Variants in ZNF888 observed in about 807,000 individuals in gnomAD.
ZNF888 encodes the protein CTD-2331H12.6.
In ZNF888, 5 loss-of-function variants were observed where a neutral mutation model predicts 7.2. The observed-to-expected ratio is 0.70, with a 90% CI of 0.36 to 1.46. The LOEUF is 1.46. ZNF888 is among the 40% of genes most tolerant of loss of function. ZNF888 has a pLI of 0.03. For synonymous variants in ZNF888, 240 were observed against 284.3 expected, an observed-to-expected ratio of 0.84 and a Z score of 1.57; for missense variants, 716 against 858.0, an observed-to-expected ratio of 0.83 and a Z score of 2.07.
chr19:52,913,632 G>T (rs1436727603), intron 4 of ZNF888: 57 of 848,342 alleles, frequency 6.7e-5, no homozygotes, highest in Non-Finnish European at 8.1e-5. Context: ...CCAGGTTACA[G>T]AAATTTTAAG....
Position 52,919,887 on chromosome 19 carries a change from C to T in ZNF888, c.-177-950G>A, listed in dbSNP as rs1351652506. ...GTGAGGAAACCCTCTGCCTGGCAAC[C>T]GCCCCGTCTGAGAAGTGAGGAGCCC... On this transcript the variant is annotated intron_variant, in intron 1 of 4. Coordinates refer to ENST00000638862, the MANE Select transcript of ZNF888 (RefSeq NM_001393938.1). Among the ~76,000 whole-genome samples, 11 of 58,950 alleles carry T rather than the reference C, an allele frequency of 1.9e-4. 2 individuals carry two copies. The highest frequency in any genetic ancestry group is 4.7e-4 in the African/African-American group (8 of 17,074). 38.7% of individuals were successfully genotyped at this position (58,950 alleles called of 152,430 possible). A position where few individuals can be genotyped will look rare whatever the true frequency, so the allele number is the denominator to read the frequency against.
At chr19:52,909,891 G>T (rs1445597668) in intron 4 of ZNF888, among the ~76,000 whole-genome samples, 1 of 152,038 alleles carries the variant, frequency 6.6e-6, no homozygotes, top group Non-Finnish European at 1.5e-5. Context: ...GCCAGGCATG[G>T]TGGCTCATGC....
chr19:52,904,818 A>G lies in ZNF888; in HGVS notation c.*1347T>C, dbSNP rs1227373696. On this transcript the variant is annotated 3_prime_UTR_variant, in exon 5 of 5. Coordinates refer to ENST00000638862, the MANE Select transcript of ZNF888 (RefSeq NM_001393938.1). ...AAACAGGTACTGAGTATAAAACAATATAAAACAATATGAGAGGGTCTCTCT... is the reference window on the plus strand; with the variant it reads ...AAACAGGTACTGAGTATAAAACAATGTAAAACAATATGAGAGGGTCTCTCT... 1 of 152,218 alleles carries G rather than the reference A, an allele frequency of 6.6e-6. No homozygotes were observed. Among genetic ancestry groups the G allele is most frequent in the Non-Finnish European group, 1.5e-5 (1 of 68,028 alleles). The allele number at this position is 152,218 out of a possible 1,614,324, so 9.4% of individuals were successfully genotyped here. A position where few individuals can be genotyped will look rare whatever the true frequency, so the allele number is the denominator to read the frequency against.
chr19:52,919,967 C>A (rs1458674408), intron 1 of ZNF888, among the ~76,000 whole-genome samples: 1 of 51,474 alleles, frequency 1.9e-5, no homozygotes, highest in African/African-American at 8.3e-5. Context: ...GCCCGGCCAG[C>A]CGCCCCGTCC....
Position 52,907,734 on chromosome 19 carries a change from G to T in ZNF888, c.588C>A (p.Phe196Leu). The change falls in exon 5 of 5, where the codon TTC becomes TTA. Residue 196 changes from phenylalanine to leucine, a missense_variant. Physicochemically the swap from Phe to Leu is conservative, Grantham distance 22 (BLOSUM62 0). Around this residue, in one of 2 missense-constraint regions of ZNF888, gnomAD observed 697 missense variants for 803.4 expected, o/e 0.87. Coordinates refer to ENST00000638862, the MANE Select transcript of ZNF888 (RefSeq NM_001393938.1). ...GTTTCTGTGTGAGTAATGAAGAATG[G>T]AAGAAATTATTCCCATAGTTATTAG... is the stretch of plus-strand genomic sequence containing the variant. ...HISNNYGNNF[F>L]HSSLLTQKQD... 1 of 1,613,536 alleles carries T rather than the reference G, an allele frequency of 6.2e-7. No homozygotes were observed. Among genetic ancestry groups the T allele is most frequent in the Non-Finnish European group, 8.5e-7 (1 of 1,179,798 alleles).
rs2064633427 is a variant in ZNF888, at chr19:52,908,102, G to A, written c.220C>T (p.Gln74Ter). Residue 74 changes from glutamine (Q) to a stop codon, truncating the protein, a stop_gained, in exon 5 of 5, where the codon CAA becomes TAA. Transcript: ENST00000638862. LOFTEE classifies it low-confidence loss of function (END_TRUNC). Reference sequence around the variant, plus strand: ...CCAATGTGATGACTTGCCAGTCTTTGCAATGTCCCTGTGTGGATCACTTCT... The same window carrying A: ...CCAATGTGATGACTTGCCAGTCTTTACAATGTCCCTGTGTGGATCACTTCT... ...NTEVIHTGTL[Q>*]RLASHHIGEC... is the part of the protein sequence containing the mutation. 3.1e-6 allele frequency: 5 copies of A among 1,614,086 alleles called. No individual in the cohort carries two copies. The highest frequency in any genetic ancestry group is 4.2e-6 in the Non-Finnish European group (5 of 1,180,018).
intron 4 of ZNF888, among the ~76,000 whole-genome samples, chr19:52,913,320 C>CTTTTTTTTTT (rs34481338): frequency 1.1e-5 from 1 of 92,080 alleles, no homozygotes; most frequent in East Asian, 3.4e-4. Context: ...GTTATGGATT[C>CTTTTTTTTTT]TTTTTTTTTT....
intron 3 of ZNF888, among the ~76,000 whole-genome samples, chr19:52,915,701 T>C (rs796951939): frequency 3.0e-4 from 45 of 152,196 alleles, no homozygotes; most frequent in African/African-American, 1.1e-3. Context: ...GGTCTCGATC[T>C]CCTGACCTCG....
Position 52,907,088 on chromosome 19 carries a change from A to G in ZNF888, c.1234T>C (p.Cys412Arg). 6.2e-7 allele frequency: 1 copy of G among 1,612,038 alleles called. No homozygotes were observed. Among genetic ancestry groups the G allele is most frequent in the Non-Finnish European group, 8.5e-7 (1 of 1,179,536 alleles). Residue 412 changes from cysteine (C) to arginine (R), a missense_variant, in exon 5 of 5, where the codon TGT becomes CGT. Cys to Arg is a radical substitution (Grantham distance 180). Transcript: ENST00000638862. ...VIHTREKPYK[C>R]NECGKTFGEN... ...CCAAACGTTTTGCCACACTCATTAC[A>G]CTTGTAAGGTTTCTCTCTAGTGTGA...
At position 52,906,998 on chromosome 19, in the gene ZNF888, C is replaced by A; in HGVS notation, c.1324G>T (p.Glu442Ter). 1.2e-6 allele frequency: 2 copies of A among 1,612,054 alleles called. No homozygotes were observed. Among genetic ancestry groups the A allele is most frequent in the Non-Finnish European group, 1.7e-6 (2 of 1,179,266 alleles). The change falls in exon 5 of 5, where the codon GAA becomes TAA. Residue 442 changes from glutamate to a stop codon, truncating the protein, a stop_gained. Transcript: ENST00000638862. LOFTEE classifies it low-confidence loss of function (END_TRUNC). ...TGTTGATTGAAAACCTTGCCACATT[C>A]ATTACACTTGTAAGGTTTCTCTCCA... ...HTGEKPYKCN[E>*]CGKVFNQQSN...
chr19:52,909,161 G>A lies in ZNF888; in HGVS notation c.143-982C>T, dbSNP rs139431466. ...CTCCATCTCAAAAAAAAAAGAAAAT[G>A]TTAATACCATATTTTTCTGAATAAC... is the stretch of plus-strand genomic sequence containing the variant. On this transcript the variant is annotated intron_variant, in intron 4 of 4. Coordinates refer to ENST00000638862, the MANE Select transcript of ZNF888 (RefSeq NM_001393938.1). Among the ~76,000 whole-genome samples, 1,115 of 151,210 alleles carry A rather than the reference G, an allele frequency of 7.4e-3. 21 individuals are homozygous for A. Among genetic ancestry groups the A allele is most frequent in the African/African-American group, 0.025 (1,012 of 41,082 alleles).
rs2064622215 is a variant in ZNF888 at position 52,907,301 on chromosome 19, G to A, written c.1021C>T (p.Leu341Phe). 6.2e-7 allele frequency: 1 copy of A among 1,613,180 alleles called. No homozygotes were observed. Among genetic ancestry groups the A allele is most frequent in the African/African-American group, 1.3e-5 (1 of 74,708 alleles). Reference sequence around the variant, plus strand: ...GTATGAACTCTATGATGACGTGCAAGGTTTGATTGTTGATTAAAAACCTTG... The same window carrying A: ...GTATGAACTCTATGATGACGTGCAAAGTTTGATTGTTGATTAAAAACCTTG... ...CGKVFNQQSN[L>F]ARHHRVHTGE... The change falls in exon 5 of 5, where the codon CTT becomes TTT. Residue 341 changes from leucine to phenylalanine, a missense_variant. By Grantham distance (22) the Leu-to-Phe change is conservative. Around this residue, in one of 2 missense-constraint regions of ZNF888, gnomAD observed 697 missense variants for 803.4 expected, o/e 0.87. Coordinates refer to ENST00000638862, the MANE Select transcript of ZNF888 (RefSeq NM_001393938.1).
In ZNF888 at chr19:52,923,416, C is replaced by A. The variant is rs535027705; in HGVS notation, c.-225G>T. On this transcript the variant is annotated 5_prime_UTR_variant, in exon 1 of 5. Transcript: ENST00000638862. ...CACGCGATCCGCTTCCTGGTCCGGGCGAATCTACAAGCACAGGACAGAAGC... is the reference window on the plus strand; with the variant it reads ...CACGCGATCCGCTTCCTGGTCCGGGAGAATCTACAAGCACAGGACAGAAGC... 1.0e-6 allele frequency: 1 copy of A among 985,322 alleles called. No individual in the cohort carries two copies. Among genetic ancestry groups the A allele is most frequent in the Non-Finnish European group, 1.2e-6 (1 of 830,038 alleles). The allele number at this position is 985,322 out of a possible 1,614,324, so 61.0% of individuals were successfully genotyped here.
At chr19:52,911,084 G>T (rs1417176322) in intron 4 of ZNF888, among the ~76,000 whole-genome samples, 1 of 152,126 alleles carries the variant, frequency 6.6e-6, no homozygotes, top group Admixed American at 6.5e-5. Flanking sequence ...TCACCATGTT[G>T]GCCAGGCTTG....
intron 3 of ZNF888, 75 bp from the exon 4 acceptor site, chr19:52,915,397 G>A (rs1421913856): frequency 1.9e-6 from 3 of 1,612,186 alleles, no homozygotes; most frequent in Non-Finnish European, 2.5e-6. Context: ...GAAGAAGAGA[G>A]GGGAAAGCAT....
chr19:52,916,772 C>T, intron 3 of ZNF888, among the ~76,000 whole-genome samples: 1 of 151,796 alleles, frequency 6.6e-6, no homozygotes, highest in East Asian at 1.9e-4. Flanking sequence ...GGAAATGCCC[C>T]ATCCTAGAGG....
intron 4 of ZNF888, chr19:52,914,433 G>T: frequency 1.2e-6 from 1 of 819,184 alleles, no homozygotes; most frequent in Non-Finnish European, 1.5e-6. Flanking sequence ...AAAGGACCAT[G>T]AAGTGCTGGA....
intron 1 of ZNF888, among the ~76,000 whole-genome samples, chr19:52,920,938 TA>T (rs145361548): frequency 0.015 from 97 of 6,522 alleles, 13 homozygotes; most frequent in African/African-American, 0.035. Context: ...CTTCAAATAT[TA>T]AAAAAAAAAA....
In ZNF888 at chr19:52,906,630, G is replaced by A. The variant is rs773491355; in HGVS notation, c.1692C>T (p.Ser564=). 14 of 1,613,512 alleles carry A rather than the reference G, an allele frequency of 8.7e-6. No individual in the cohort carries two copies. Among genetic ancestry groups the A allele is most frequent in the African/African-American group, 4.0e-5 (3 of 74,836 alleles). Residue 564 remains serine (S), a synonymous_variant, in exon 5 of 5, where the codon AGC becomes AGT. Transcript: ENST00000638862. ...ECGKSFNHKS[S]LAYHHRLHTG... is the part of the protein sequence containing the mutation. ...TATGAAGTCTATGATGATATGCAAG[G>A]CTTGATTTGTGATTAAAACTTTTGC...
Sources: gnomAD v4.1 joint callset for allele counts (sites outside exome capture counted in the v4.1 genomes callset) on GRCh38, gnomAD v4.1.1 for gene constraint, gnomAD v4.1.1 regional missense constraint, MANE v1.5 for transcripts, NCBI Gene and HGNC (gene_info 2026-07-23, HGNC 2026-07-21) for gene names.